Variants in TENM3 observed in about 807,000 individuals in gnomAD.
TENM3 encodes teneurin-3.
TENM3 carries 63 observed loss-of-function variants against 255.1 expected under a neutral mutation model. That is an observed-to-expected ratio of 0.25 (90% CI 0.20 to 0.30). TENM3 has a LOEUF of 0.30. Among genes scored for constraint, TENM3 ranks in the 10% least tolerant of loss-of-function variants. The pLI is 1.00. For missense variants in TENM3, 2,929 were observed against 3,461.1 expected, an observed-to-expected ratio of 0.85 and a Z score of 3.86; for synonymous variants, 1,306 against 1,322.3, an observed-to-expected ratio of 0.99 and a Z score of 0.27.
chr4:182,102,498 G>T, the TENM3 span, among the ~76,000 whole-genome samples: 1 of 152,198 alleles, frequency 6.6e-6, no homozygotes, highest in Non-Finnish European at 1.5e-5. Context: ...TCATGGCCAA[G>T]AATCAAAATG....
chr4:182,356,067 C>T (rs1765504004), intron 3 of TENM3, among the ~76,000 whole-genome samples: 1 of 151,782 alleles, frequency 6.6e-6, no homozygotes, highest in Non-Finnish European at 1.5e-5. Context: ...ATCCTAAGCT[C>T]ACCAATATTT....
intron 3 of TENM3, among the ~76,000 whole-genome samples, chr4:182,456,310 A>G (rs1168013593): frequency 2.0e-5 from 3 of 152,214 alleles, no homozygotes; most frequent in South Asian, 2.1e-4. Flanking sequence ...ATTGTAATGT[A>G]TGAATGAAAT....
intron 2 of TENM3, among the ~76,000 whole-genome samples, chr4:182,331,700 G>A (rs1763766867): frequency 2.6e-5 from 4 of 152,034 alleles, no homozygotes; most frequent in African/African-American, 7.3e-5. Context: ...AAAGAAAGGA[G>A]GAATGGCAGT....
At chr4:182,712,178 T>C (rs1377429680) in intron 12 of TENM3, among the ~76,000 whole-genome samples, 1 of 152,218 alleles carries the variant, frequency 6.6e-6, no homozygotes. Flanking sequence ...CTGATAACCT[T>C]GTTCAGCAGA....
chr4:182,152,136 G>T (rs988152117), intron 1 of TENM3, among the ~76,000 whole-genome samples: 14 of 151,872 alleles, frequency 9.2e-5, no homozygotes, highest in African/African-American at 3.4e-4. Context: ...GAGAAAGAAA[G>T]TACATTTGTT....
chr4:181,984,540 T>C, the TENM3 span, among the ~76,000 whole-genome samples: 1 of 152,030 alleles, frequency 6.6e-6, no homozygotes, highest in African/African-American at 2.4e-5. Flanking sequence ...TTTACTCACA[T>C]TGTGTGTGTA....
chr4:181,886,954 C>T, the TENM3 span, among the ~76,000 whole-genome samples: 3 of 152,062 alleles, frequency 2.0e-5, no homozygotes, highest in Non-Finnish European at 4.4e-5. Flanking sequence ...ATTGAGCCAA[C>T]GTAAATAAAA....
intron 3 of TENM3, among the ~76,000 whole-genome samples, chr4:182,407,660 C>A (rs1319940097): frequency 6.6e-6 from 1 of 151,862 alleles, no homozygotes; most frequent in Non-Finnish European, 1.5e-5. Flanking sequence ...ACTTGGGGCC[C>A]GAACATATTA....
chr4:182,075,043 T>C, the TENM3 span, among the ~76,000 whole-genome samples: 1 of 152,090 alleles, frequency 6.6e-6, no homozygotes. Context: ...GAGTGGCGCC[T>C]GATGGGGCCA....
the TENM3 span, among the ~76,000 whole-genome samples, chr4:181,640,746 C>G: frequency 1.3e-5 from 2 of 152,142 alleles, no homozygotes; most frequent in African/African-American, 4.8e-5. Flanking sequence ...GAGGTGATGC[C>G]GGCGTTGCAG....
chr4:181,657,467 G>A, the TENM3 span, among the ~76,000 whole-genome samples: 2 of 152,056 alleles, frequency 1.3e-5, no homozygotes, highest in African/African-American at 2.4e-5. Context: ...ACCCCAATAA[G>A]ATACCGTCTA....
At chr4:181,691,386 C>T in the TENM3 span, among the ~76,000 whole-genome samples, 1 of 152,016 alleles carries the variant, frequency 6.6e-6, no homozygotes, top group Admixed American at 6.6e-5. Flanking sequence ...TAAGATCGTA[C>T]ATTTCATATC....
chr4:181,523,955 T>C, the TENM3 span, among the ~76,000 whole-genome samples: 1 of 152,022 alleles, frequency 6.6e-6, no homozygotes, highest in Admixed American at 6.6e-5. Context: ...GTTGGTTTCC[T>C]TTTTTTTAAG....
chr4:182,388,907 G>C (rs1331542532), intron 3 of TENM3, among the ~76,000 whole-genome samples: 3 of 152,210 alleles, frequency 2.0e-5, no homozygotes, highest in Non-Finnish European at 2.9e-5. Flanking sequence ...AAGACAGATG[G>C]AGGTGATGTT....
At chr4:182,743,035 T>A (rs1238622574) in intron 18 of TENM3, 135 bp from the exon 19 acceptor site, 20 of 919,622 alleles carry the variant, frequency 2.2e-5, no homozygotes, top group Non-Finnish European at 3.1e-5. Context: ...TTCATTCCAA[T>A]GGAGCTTCAA....
chr4:182,389,414 C>A, intron 3 of TENM3, among the ~76,000 whole-genome samples: 1 of 149,684 alleles, frequency 6.7e-6, no homozygotes. Flanking sequence ...TATGCCCAGG[C>A]CATAGAGATT....
the TENM3 span, among the ~76,000 whole-genome samples, chr4:181,680,912 A>G: frequency 6.6e-6 from 1 of 152,126 alleles, no homozygotes; most frequent in East Asian, 1.9e-4. Context: ...ATACTGAATC[A>G]CATGCAGAGA....
intron 13 of TENM3, among the ~76,000 whole-genome samples, chr4:182,725,924 T>C (rs1000664180): frequency 1.1e-4 from 17 of 152,080 alleles, no homozygotes; most frequent in African/African-American, 4.1e-4. Context: ...AGGTGTGAGC[T>C]ACCGCGCCCG....
At chr4:182,254,123 G>A (rs1253947822) in intron 1 of TENM3, among the ~76,000 whole-genome samples, 8 of 152,168 alleles carry the variant, frequency 5.3e-5, no homozygotes, top group Non-Finnish European at 1.0e-4. Context: ...GTCTGGTGGA[G>A]CGTATTTTCT....
Sources: gnomAD v4.1 joint callset for allele counts (sites outside exome capture counted in the v4.1 genomes callset) on GRCh38, gnomAD v4.1.1 for gene constraint, MANE v1.5 for transcripts, NCBI Gene and HGNC (gene_info 2026-07-23, HGNC 2026-07-21) for gene names.